The following VCAM1 variants were observed in gnomAD, a reference collection of about 807,000 sequenced individuals.
VCAM1 encodes vascular cell adhesion protein 1.
VCAM1 carries 41 observed loss-of-function variants against 63.8 expected under a neutral mutation model. The observed-to-expected ratio is 0.64, with a 90% CI of 0.50 to 0.83. The LOEUF (loss-of-function observed/expected upper bound fraction) is 0.83. VCAM1 is among the 40% of genes least tolerant of loss of function. The probability of loss-of-function intolerance (pLI) is 0.00; values close to 1 mark genes in which losing one functional copy is unlikely to be tolerated. For synonymous variants in VCAM1, 338 were observed against 320.7 expected (o/e 1.05, Z -0.58); for missense variants, 798 against 875.5 (o/e 0.91, Z 1.12).
chr1:100,728,358 T>G (rs906041764), intron 4 of VCAM1, among the ~76,000 whole-genome samples: 3 of 152,122 alleles, frequency 2.0e-5, no homozygotes, highest in African/African-American at 7.2e-5. Flanking sequence ...TATAACTGTA[T>G]TATTGGAACA....
At chr1:100,733,486 C>A (rs3917066) in intron 7 of VCAM1, among the ~76,000 whole-genome samples, 1,615 of 152,136 alleles carry the variant, frequency 0.011, 32 homozygotes, top group African/African-American at 0.036. Context: ...ATTGGAAAGA[C>A]AATACACATC....
rs1660495344 is a variant in VCAM1, at chr1:100,732,472, G to A, written c.1580G>A (p.Gly527Asp). 1.2e-6 allele frequency: 2 copies of A among 1,610,888 alleles called. No homozygotes were observed. The highest frequency in any genetic ancestry group is 1.7e-6 in the Non-Finnish European group (2 of 1,178,934). ...LVSPSSILEE[G>D]SSVNMTCLSQ... ...AGCCCTTCCTCCATCCTGGAGGAAG[G>A]CAGTTCTGTGAATATGACATGCTTG... The change falls in exon 7 of 9, where the codon GGC becomes GAC. Residue 527 changes from glycine (G) to aspartate (D), a missense_variant. Coordinates refer to ENST00000294728, the MANE Select transcript of VCAM1 (RefSeq NM_001078.4).
At chr1:100,722,855 T>A (rs370257466) in intron 2 of VCAM1, among the ~76,000 whole-genome samples, 165 bp from the exon 3 acceptor site, 1 of 152,128 alleles carries the variant, frequency 6.6e-6, no homozygotes, top group African/African-American at 2.4e-5. Context: ...CCAATTCTTG[T>A]GCCTTGAACT....
At chr1:100,721,706 G>A (rs1277862017) in intron 2 of VCAM1, among the ~76,000 whole-genome samples, 4 of 151,938 alleles carry the variant, frequency 2.6e-5, no homozygotes, top group African/African-American at 7.3e-5. Flanking sequence ...GTGCTTGGCC[G>A]GCTGCTTTCA....
rs758296946 is a variant in VCAM1 at position 100,731,190 on chromosome 1, A to T, written c.1205-8A>T. ...AGAATAAAAATCGTTTTTGCTTGCG[A>T]TTTGCAGCATTCCCTAGAGATCCAG... On this transcript the variant is annotated splice_region_variant and splice_polypyrimidine_tract_variant and intron_variant, in intron 5 of 8. Transcript: ENST00000294728. This position sits in a 1 kb window ranked among gnomAD's most constrained non-coding sequence, Gnocchi z 4.2. The T allele has an allele frequency of 1.3e-6, 2 of 1,574,444 alleles. No homozygotes were observed. Among genetic ancestry groups the T allele is most frequent in the East Asian group, 2.3e-5 (1 of 44,394 alleles).
intron 4 of VCAM1, among the ~76,000 whole-genome samples, chr1:100,726,126 C>A (rs919029445): frequency 6.6e-6 from 1 of 151,982 alleles, no homozygotes; most frequent in Non-Finnish European, 1.5e-5. Flanking sequence ...GAAGTAGATC[C>A]CACATATAAG....
chr1:100,734,348 G>A (rs552513577), intron 7 of VCAM1, among the ~76,000 whole-genome samples, 154 bp from the exon 8 acceptor site: 2 of 152,290 alleles, frequency 1.3e-5, no homozygotes, highest in South Asian at 4.1e-4. Context: ...CAACAATCCA[G>A]CAATGCTTGA....
intron 4 of VCAM1, among the ~76,000 whole-genome samples, chr1:100,725,177 T>A (rs1308329802): frequency 6.6e-6 from 1 of 151,918 alleles, no homozygotes; most frequent in Admixed American, 6.6e-5. Flanking sequence ...GATATTGGTA[T>A]TTTCAAGTTT....
rs149896351 is a variant in VCAM1 at position 100,724,881 on chromosome 1, A to G, written c.919A>G (p.Ile307Val). The G allele has an allele frequency of 3.4e-5, 55 of 1,612,362 alleles. No homozygotes were observed. Among genetic ancestry groups the G allele is most frequent in the Non-Finnish European group, 4.4e-5 (52 of 1,179,052 alleles). Residue 307 changes from isoleucine to valine, a missense_variant, in exon 4 of 9, where the codon ATT (isoleucine) becomes GTT (valine). Transcript: ENST00000294728. ...GAAAAACAGAAAAGAGGTGGAATTA[A>G]TTGTTCAAGGTGAGTAGAATGTGAA... ...IGKNRKEVELIVQEKPFTVEI... is the reference protein window; with the variant it reads ...IGKNRKEVELVVQEKPFTVEI...
At chr1:100,737,888 T>C in intron 8 of VCAM1, 1 of 323,302 alleles carries the variant, frequency 3.1e-6, no homozygotes, top group East Asian at 5.5e-5. Context: ...GAATCCAAGT[T>C]TGTGGAAGCC....
intron 7 of VCAM1, among the ~76,000 whole-genome samples, chr1:100,734,039 A>G (rs1660558315): frequency 6.6e-6 from 1 of 152,192 alleles, no homozygotes; most frequent in Non-Finnish European, 1.5e-5. Flanking sequence ...ACACCTTAAC[A>G]TGGCGGCAGG....
intron 2 of VCAM1, among the ~76,000 whole-genome samples, chr1:100,721,763 A>G (rs1659964057): frequency 6.6e-6 from 1 of 152,010 alleles, no homozygotes; most frequent in African/African-American, 2.4e-5. Flanking sequence ...CAGCCTCCCG[A>G]GCTCCTTGAA....
At chr1:100,726,600 A>T (rs930117803) in intron 4 of VCAM1, among the ~76,000 whole-genome samples, 1 of 152,058 alleles carries the variant, frequency 6.6e-6, no homozygotes, top group Non-Finnish European at 1.5e-5. Context: ...TGTCAGACCA[A>T]ACTACATATT....
chr1:100,731,463 T>G lies in VCAM1; in HGVS notation c.1470T>G (p.Asp490Glu), dbSNP rs545204409. 238 of 1,613,690 alleles carry G rather than the reference T, an allele frequency of 1.5e-4. 2 individuals carry two copies. In the South Asian group the frequency reaches 2.4e-3, roughly 16 times the overall value. The stretch of plus-strand genomic sequence containing the variant: ...TTTGTCAGGCTAAGTTACATATTGA[T>G]GACATGGAATTCGAACCCAAACAAA... The part of the protein sequence containing the change: ...ALVCQAKLHI[D>E]DMEFEPKQRQ... Residue 490 changes from aspartate to glutamate, a missense_variant, in exon 6 of 9, where the codon GAT becomes GAG. Asp to Glu is a conservative substitution (Grantham distance 45, BLOSUM62 2). Transcript: ENST00000294728. This position sits in a 1 kb window ranked among gnomAD's most constrained non-coding sequence, Gnocchi z 4.2.
Position 100,738,210 on chromosome 1 carries a change from T to C in VCAM1, c.2147T>C (p.Ile716Thr), listed in dbSNP as rs1660728337. 1 of 1,613,906 alleles carries C rather than the reference T, an allele frequency of 6.2e-7. No homozygotes were observed. Among genetic ancestry groups the C allele is most frequent in the Admixed American group, 1.7e-5 (1 of 60,032 alleles). ...SSLIIPAIGM[I>T]IYFARKANMK... ...TTAATAATACCTGCCATTGGAATGA[T>C]AATTTACTTTGCAAGAAAAGCCAAC... is the stretch of plus-strand genomic sequence containing the variant. Residue 716 changes from isoleucine (I) to threonine (T), a missense_variant, in exon 9 of 9, where the codon ATA (isoleucine) becomes ACA (threonine). Ile to Thr is a moderately conservative substitution (Grantham distance 89). Coordinates refer to ENST00000294728, the MANE Select transcript of VCAM1 (RefSeq NM_001078.4).
chr1:100,725,000 A>G, intron 4 of VCAM1, 110 bp downstream of exon 4: 4 of 1,363,320 alleles, frequency 2.9e-6, no homozygotes, highest in African/African-American at 2.9e-5. Context: ...CTGATGACCT[A>G]TCTGATTGCC....
intron 7 of VCAM1, 126 bp from the exon 8 acceptor site, chr1:100,734,376 C>A: frequency 9.4e-7 from 1 of 1,063,740 alleles, no homozygotes; most frequent in Non-Finnish European, 1.3e-6. Context: ...ACTTGCCCTT[C>A]TTAACATTTA....
At position 100,734,911 on chromosome 1, in the gene VCAM1, G is replaced by A. The variant is rs3917068; in HGVS notation, c.2059+143G>A. Reference sequence around the variant, plus strand: ...AGGATTCTTGGAAAAATCAAGCACAGCTGCTTTATCCTATAAAGTTTAGCC... The same window carrying A: ...AGGATTCTTGGAAAAATCAAGCACAACTGCTTTATCCTATAAAGTTTAGCC... On this transcript the variant is annotated intron_variant, in intron 8 of 8. Coordinates refer to ENST00000294728, the MANE Select transcript of VCAM1 (RefSeq NM_001078.4). 565 of 1,030,906 alleles carry A rather than the reference G, an allele frequency of 5.5e-4. 3 individuals are homozygous for A. In the African/African-American group the frequency reaches 8.3e-3, roughly 15 times the overall value. 63.9% of individuals were successfully genotyped at this position (1,030,906 alleles called of 1,614,324 possible).
chr1:100,725,339 C>T (rs1009210178), intron 4 of VCAM1, among the ~76,000 whole-genome samples: 5 of 152,054 alleles, frequency 3.3e-5, no homozygotes, highest in Non-Finnish European at 7.4e-5. Context: ...CTCTTCTTCA[C>T]CCCACTTGCC....
Sources: gnomAD v4.1 joint callset for allele counts (sites outside exome capture counted in the v4.1 genomes callset) on GRCh38, gnomAD v4.1.1 for gene constraint, Gnocchi (gnomAD v3.1) non-coding constraint, MANE v1.5 for transcripts, NCBI Gene and HGNC (gene_info 2026-07-23, HGNC 2026-07-21) for gene names.